Variants in EYS observed in about 807,000 individuals in gnomAD.
EYS encodes the protein EGF-like photoreceptor maintenance factor, also known as protein eyes shut homolog.
Under a neutral mutation model 282.1 loss-of-function variants are expected in EYS, and 250 were observed. The observed-to-expected ratio is 0.89, with a 90% CI of 0.80 to 0.98. EYS has a LOEUF of 0.98. Among genes scored for constraint, EYS ranks in the 50% least tolerant of loss-of-function variants. The pLI, the probability that EYS is intolerant of heterozygous loss-of-function variation, is 0.00. For synonymous variants in EYS, 1,355 were observed against 1,282.9 expected (o/e 1.06, Z -1.20); for missense variants, 4,016 against 3,709.0 (o/e 1.08, Z -2.15).
intron 36 of EYS, among the ~76,000 whole-genome samples, chr6:63,809,188 T>C (rs1770978716): frequency 6.6e-6 from 1 of 152,234 alleles, no homozygotes; most frequent in Non-Finnish European, 1.5e-5. Flanking sequence ...GAGGCTTCTA[T>C]GTCTGCACCC....
At chr6:64,961,468 TAC>T (rs1388176442) in intron 14 of EYS, among the ~76,000 whole-genome samples, 1 of 139,164 alleles carries the variant, frequency 7.2e-6, no homozygotes, top group Admixed American at 7.0e-5. Flanking sequence ...TATATATATA[TAC>T]ACACACAATT....
chr6:64,092,730 T>G (rs1165413445), intron 31 of EYS, among the ~76,000 whole-genome samples: 2 of 151,856 alleles, frequency 1.3e-5, no homozygotes, highest in Non-Finnish European at 2.9e-5. Flanking sequence ...GGTAGTTTCT[T>G]TTGCTGTGCA....
At chr6:64,763,068 T>G (rs1162894726) in intron 22 of EYS, among the ~76,000 whole-genome samples, 1 of 152,168 alleles carries the variant, frequency 6.6e-6, no homozygotes, top group Non-Finnish European at 1.5e-5. Context: ...CTTGCCATGG[T>G]CATTCTTTAA....
At chr6:64,515,799 TA>T (rs201169262) in intron 26 of EYS, among the ~76,000 whole-genome samples, 13 of 150,878 alleles carry the variant, frequency 8.6e-5, no homozygotes, top group Admixed American at 2.7e-4. Flanking sequence ...GTTATTTAAA[TA>T]AAAAAAAACC....
intron 26 of EYS, among the ~76,000 whole-genome samples, chr6:64,586,594 G>T (rs1051974703): frequency 6.6e-6 from 1 of 151,912 alleles, no homozygotes; most frequent in African/African-American, 2.4e-5. Flanking sequence ...GAAAAAACAA[G>T]AGATAAAATG....
In EYS at chr6:63,720,735, ACGATATTTAC is replaced by A. The variant is rs770748359; in HGVS notation, c.9286_9295del (p.Val3096LeufsTer28). ...ATTGGTTTTAAAAATCTCTTGAGTAACGATATTTACCTTTCTACCATATTCAAAGCCCCCT... is the reference window on the plus strand; with the variant it reads ...ATTGGTTTTAAAAATCTCTTGAGTAACTTTCTACCATATTCAAAGCCCCCT... On this transcript the variant is annotated frameshift_variant, in exon 43 of 43. Transcript: ENST00000503581. LOFTEE classifies it high-confidence loss of function. The A allele has an allele frequency of 1.0e-4, 162 of 1,549,352 alleles. 1 individual carries two copies. The highest frequency in any genetic ancestry group is 2.2e-5 in the Non-Finnish European group (25 of 1,146,120).
intron 29 of EYS, among the ~76,000 whole-genome samples, chr6:64,307,934 C>CTTA (rs1769518089): frequency 6.6e-6 from 1 of 151,916 alleles, no homozygotes; most frequent in Admixed American, 6.6e-5. Context: ...GCCTATATAT[C>CTTA]TTAGTACTGT....
At chr6:65,149,396 T>C (rs1764557769) in intron 12 of EYS, among the ~76,000 whole-genome samples, 1 of 152,164 alleles carries the variant, frequency 6.6e-6, no homozygotes, top group African/African-American at 2.4e-5. Flanking sequence ...TCCTAAGAAC[T>C]CATCTCCATC....
chr6:65,683,787 A>G (rs1412251698), intron 1 of EYS, among the ~76,000 whole-genome samples: 2 of 152,008 alleles, frequency 1.3e-5, no homozygotes, highest in Non-Finnish European at 2.9e-5. Context: ...CACTGGGTCT[A>G]GGACATATAC....
chr6:64,794,018 G>T (rs932059268), intron 22 of EYS, among the ~76,000 whole-genome samples: 6 of 152,008 alleles, frequency 3.9e-5, no homozygotes, highest in African/African-American at 1.4e-4. Context: ...CCAGGCCCTG[G>T]TTAATCAACC....
chr6:64,043,035 G>A (rs113320379), intron 33 of EYS, among the ~76,000 whole-genome samples: 1 of 152,076 alleles, frequency 6.6e-6, no homozygotes, highest in Non-Finnish European at 1.5e-5. Context: ...AAAAGGAGAC[G>A]ATAGTAGTAT....
Position 63,973,918 on chromosome 6 carries a change from A to T in EYS, c.7055+10465T>A, listed in dbSNP as rs145882078. ...CTTTATTTTTCTAGAATAAAAGGTTAAGCAGTTTTCTTAAGGTACAATATC... is the reference window on the plus strand; with the variant it reads ...CTTTATTTTTCTAGAATAAAAGGTTTAGCAGTTTTCTTAAGGTACAATATC... On this transcript the variant is annotated intron_variant, in intron 35 of 42. Coordinates refer to ENST00000503581, the MANE Select transcript of EYS (RefSeq NM_001142800.2). 9.8e-3 allele frequency among the ~76,000 whole-genome samples: 1,487 copies of T among 152,164 alleles called. 28 individuals carry two copies. The highest frequency in any genetic ancestry group is 0.033 in the African/African-American group (1,377 of 41,532).
intron 5 of EYS, among the ~76,000 whole-genome samples, chr6:65,461,090 G>T (rs976980438): frequency 1.3e-5 from 2 of 152,006 alleles, no homozygotes; most frequent in African/African-American, 2.4e-5. Flanking sequence ...CAATTGATGT[G>T]ATTGATTGGA....
intron 12 of EYS, among the ~76,000 whole-genome samples, chr6:65,130,394 A>G (rs879751910): frequency 5.5e-4 from 84 of 151,976 alleles, no homozygotes; most frequent in Non-Finnish European, 1.2e-3. Context: ...GAAATATTTA[A>G]TAACAATGGG....
At chr6:65,084,239 G>T (rs892599670) in intron 12 of EYS, among the ~76,000 whole-genome samples, 1 of 152,070 alleles carries the variant, frequency 6.6e-6, no homozygotes, top group Non-Finnish European at 1.5e-5. Context: ...TGTAAAGCCA[G>T]ACTATTGTTA....
intron 2 of EYS, among the ~76,000 whole-genome samples, chr6:65,503,104 A>G (rs34706159): frequency 6.6e-6 from 1 of 151,572 alleles, no homozygotes; most frequent in Non-Finnish European, 1.5e-5. Context: ...ATTAATCAGG[A>G]GTTATTATTA....
At chr6:65,531,225 G>A (rs549860675) in intron 2 of EYS, among the ~76,000 whole-genome samples, 2 of 152,116 alleles carry the variant, frequency 1.3e-5, no homozygotes, top group Non-Finnish European at 2.9e-5. Context: ...ATGTTCTCCC[G>A]GCAAGAGGGA....
chr6:64,899,101 G>A (rs931622294), intron 18 of EYS, among the ~76,000 whole-genome samples: 4 of 152,140 alleles, frequency 2.6e-5, no homozygotes, highest in Non-Finnish European at 4.4e-5. Context: ...TCTGGACCAA[G>A]TGGACCTAAT....
Position 64,013,454 on chromosome 6 carries a change from C to T in EYS, c.6726-14271G>A, listed in dbSNP as rs139537210. On this transcript the variant is annotated intron_variant, in intron 33 of 42. Transcript: ENST00000503581. ...CAGAAAGCTTCCTGTTTTTTTTGAC[C>T]TGACATCCATTTCTAACCTCTCTGA... 7.9e-5 allele frequency among the ~76,000 whole-genome samples: 12 copies of T among 152,122 alleles called. No individual in the cohort carries two copies. In the East Asian group the frequency reaches 2.3e-3, roughly 29 times the overall value.
Sources: allele counts gnomAD v4.1 joint callset (sites outside exome capture counted in the v4.1 genomes callset), GRCh38; gene constraint gnomAD v4.1.1; transcripts MANE v1.5; gene names NCBI Gene and HGNC (gene_info 2026-07-23, HGNC 2026-07-21).